ITGB6: variants seen among roughly 807,000 people sequenced by gnomAD.
ITGB6 encodes integrin beta-6.
In ITGB6, 80 loss-of-function variants were observed where a neutral mutation model predicts 84.5. The ratio of observed to expected loss-of-function variants is 0.95; its 90% CI spans 0.79 to 1.14. ITGB6 has a LOEUF of 1.14. ITGB6 is among the 50% of genes most tolerant of loss of function. The pLI is 0.00. For missense variants in ITGB6, 1,006 were observed against 968.0 expected (o/e 1.04, Z -0.52); for synonymous variants, 383 against 354.9 (o/e 1.08, Z -0.89).
chr2:160,135,031 C>T (rs1683645034), intron 10 of ITGB6, among the ~76,000 whole-genome samples: 1 of 152,142 alleles, frequency 6.6e-6, no homozygotes, highest in South Asian at 2.1e-4. Context: ...TCCTGTTCAA[C>T]ATAGTGTTGG....
In ITGB6 at chr2:160,193,380, G is replaced by C. The variant is rs190221166; in HGVS notation, c.593+1989C>G. On this transcript the variant is annotated intron_variant, in intron 4 of 14. Coordinates refer to ENST00000283249, the MANE Select transcript of ITGB6 (RefSeq NM_000888.5). ...TTGAACCAAAGAAGCCAAACACATA[G>C]GGCATATACTACATTATATATTTAT... 7.9e-5 allele frequency among the ~76,000 whole-genome samples: 12 copies of C among 152,108 alleles called. No homozygotes were observed. The East Asian group carries it at 1.5e-3, about 20-fold the overall frequency.
chr2:160,175,868 T>C (rs1414363329), intron 4 of ITGB6, among the ~76,000 whole-genome samples: 1 of 152,246 alleles, frequency 6.6e-6, no homozygotes, highest in East Asian at 1.9e-4. Flanking sequence ...GGAGCAATGA[T>C]TCAATATTCC....
chr2:160,159,604 A>G (rs554120454), intron 7 of ITGB6, among the ~76,000 whole-genome samples: 40 of 151,740 alleles, frequency 2.6e-4, no homozygotes, highest in African/African-American at 7.3e-4. Flanking sequence ...ATCTCCTTCT[A>G]CCCCTACTCA....
At chr2:160,122,526 A>G (rs1683083885) in intron 12 of ITGB6, among the ~76,000 whole-genome samples, 1 of 152,178 alleles carries the variant, frequency 6.6e-6, no homozygotes, top group South Asian at 2.1e-4. Context: ...ATGAGCCCAG[A>G]AGGTGATGCT....
At position 160,148,175 on chromosome 2, in the gene ITGB6, T is replaced by C. The variant is rs1299318522; in HGVS notation, c.1018-6104A>G. Among the ~76,000 whole-genome samples, 3 of 152,220 alleles carry C rather than the reference T, an allele frequency of 2.0e-5. No individual in the cohort carries two copies. The South Asian group carries it at 6.2e-4, about 32-fold the overall frequency. ...CTAACAGACATATTACCAAAGAAGATACAGAGATGGCAAATAGGCATATGA... is the reference window on the plus strand; with the variant it reads ...CTAACAGACATATTACCAAAGAAGACACAGAGATGGCAAATAGGCATATGA... On this transcript the variant is annotated intron_variant, in intron 7 of 14. Coordinates refer to ENST00000283249, the MANE Select transcript of ITGB6 (RefSeq NM_000888.5).
intron 14 of ITGB6, 86 bp from the exon 15 acceptor site, chr2:160,101,920 A>G: frequency 1.4e-6 from 1 of 721,822 alleles, no homozygotes; most frequent in Non-Finnish European, 2.4e-6. Context: ...GGAAGAGGAG[A>G]GTCAAGCTCA....
chr2:160,172,283 C>T (rs1215984335), intron 6 of ITGB6, among the ~76,000 whole-genome samples: 1 of 152,150 alleles, frequency 6.6e-6, no homozygotes, highest in East Asian at 1.9e-4. Context: ...ATAGAATGAG[C>T]TGCCTGTATT....
At chr2:160,167,479 C>T (rs772141414) in intron 7 of ITGB6, among the ~76,000 whole-genome samples, 8 of 152,266 alleles carry the variant, frequency 5.3e-5, no homozygotes, top group African/African-American at 1.7e-4. Context: ...TGAAAATGTC[C>T]CTTTGAATTT....
At chr2:160,153,314 C>T (rs936460010) in intron 7 of ITGB6, among the ~76,000 whole-genome samples, 3 of 152,096 alleles carry the variant, frequency 2.0e-5, no homozygotes, top group Non-Finnish European at 2.9e-5. Flanking sequence ...CTTTGACAAA[C>T]CTGACAAAAA....
At chr2:160,127,196 C>A (rs561271881) in intron 10 of ITGB6, among the ~76,000 whole-genome samples, 1 of 152,322 alleles carries the variant, frequency 6.6e-6, no homozygotes, top group Non-Finnish European at 1.5e-5. Flanking sequence ...TATCTACATT[C>A]TGCAGAGAAT....
chr2:160,163,412 A>G (rs1684889884), intron 7 of ITGB6, among the ~76,000 whole-genome samples: 1 of 152,154 alleles, frequency 6.6e-6, no homozygotes, highest in South Asian at 2.1e-4. Flanking sequence ...TGGGTGGATC[A>G]TTTGAGATCA....
At chr2:160,187,516 C>G (rs1685951939) in intron 4 of ITGB6, among the ~76,000 whole-genome samples, 1 of 152,030 alleles carries the variant, frequency 6.6e-6, no homozygotes, top group African/African-American at 2.4e-5. Context: ...TCTTCCTTTC[C>G]AACTATATGT....
At position 160,133,955 on chromosome 2, in the gene ITGB6, A is replaced by T. The variant is rs1683587908; in HGVS notation, c.1660+3479T>A. 2.0e-5 allele frequency among the ~76,000 whole-genome samples: 3 copies of T among 152,250 alleles called. No individual in the cohort carries two copies. The East Asian group carries it at 5.8e-4, about 29-fold the overall frequency. On this transcript the variant is annotated intron_variant, in intron 10 of 14. Coordinates refer to ENST00000283249, the MANE Select transcript of ITGB6 (RefSeq NM_000888.5). Reference sequence around the variant, plus strand: ...CTAAATGACCACAAGAGAAAGCAGGAAAGATCTAAAACTGACACCCTAACA... The same window carrying T: ...CTAAATGACCACAAGAGAAAGCAGGTAAGATCTAAAACTGACACCCTAACA...
chr2:160,166,500 G>C (rs1311165218), intron 7 of ITGB6, among the ~76,000 whole-genome samples: 1 of 152,140 alleles, frequency 6.6e-6, no homozygotes, highest in Non-Finnish European at 1.5e-5. Flanking sequence ...TACTAGGAAA[G>C]AGAAGCTATT....
chr2:160,174,263 A>G lies in ITGB6; in HGVS notation c.594-124T>C. The G allele has an allele frequency of 5.8e-6, 4 of 687,516 alleles. No individual in the cohort carries two copies. In the South Asian group the frequency reaches 5.9e-5, roughly 10 times the overall value. The allele number at this position is 687,516 out of a possible 1,614,324, so 42.6% of individuals were successfully genotyped here. A position where few individuals can be genotyped will look rare whatever the true frequency, so the allele number is the denominator to read the frequency against. On this transcript the variant is annotated intron_variant, in intron 4 of 14. Transcript: ENST00000283249. ...GTTTTTCTAAAGGGCCTGACTCTGC[A>G]ACTCAGCTATGAATCTCACTGTTAA... is the stretch of plus-strand genomic sequence containing the variant.
At chr2:160,134,735 G>C (rs1419724821) in intron 10 of ITGB6, among the ~76,000 whole-genome samples, 1 of 152,228 alleles carries the variant, frequency 6.6e-6, no homozygotes, top group Non-Finnish European at 1.5e-5. Flanking sequence ...TCCCTGGGAT[G>C]CAAGGCTGAT....
intron 7 of ITGB6, among the ~76,000 whole-genome samples, chr2:160,157,337 C>T (rs894122347): frequency 6.6e-6 from 1 of 152,104 alleles, no homozygotes; most frequent in African/African-American, 2.4e-5. Flanking sequence ...CATAACACTG[C>T]ACTAGGGTTC....
intron 12 of ITGB6, among the ~76,000 whole-genome samples, chr2:160,120,969 G>C (rs1326472563): frequency 6.7e-6 from 1 of 148,834 alleles, no homozygotes; most frequent in Non-Finnish European, 1.5e-5. Flanking sequence ...TAAATGACGA[G>C]TTAATGGGTG....
chr2:160,142,496 G>C (rs960917424), intron 7 of ITGB6, among the ~76,000 whole-genome samples: 4 of 152,206 alleles, frequency 2.6e-5, no homozygotes, highest in Non-Finnish European at 4.4e-5. Flanking sequence ...AGGGGAATCA[G>C]GTCGCTCTGT....
Sources: gnomAD v4.1 joint callset for allele counts (sites outside exome capture counted in the v4.1 genomes callset) on GRCh38, gnomAD v4.1.1 for gene constraint, MANE v1.5 for transcripts, NCBI Gene and HGNC (gene_info 2026-07-23, HGNC 2026-07-21) for gene names.